The following SGIP1 variants were observed in gnomAD, a reference collection of about 807,000 sequenced individuals.
SGIP1 encodes the protein SH3-containing GRB2-like protein 3-interacting protein 1.
In SGIP1, 38 loss-of-function variants were observed where a neutral mutation model predicts 107.5. That is an observed-to-expected ratio of 0.35 (90% CI 0.27 to 0.46). The LOEUF is 0.46. Among genes scored for constraint, SGIP1 ranks in the 20% least tolerant of loss-of-function variants. SGIP1 has a pLI of 1.00. For missense variants in SGIP1, 929 were observed against 1,019.5 expected (o/e 0.91, Z 1.21); for synonymous variants, 365 against 366.1 (o/e 1.00, Z 0.03).
At chr1:66,559,722 G>A (rs1340445019) in intron 1 of SGIP1, among the ~76,000 whole-genome samples, 1 of 152,006 alleles carries the variant, frequency 6.6e-6, no homozygotes, top group Non-Finnish European at 1.5e-5. Flanking sequence ...TGGTGTCTCT[G>A]TTTAGAACCC....
chr1:66,695,151 G>A, intron 17 of SGIP1: 1 of 509,342 alleles, frequency 2.0e-6, no homozygotes, highest in Middle Eastern at 4.4e-4. Context: ...TGGCCAGGAA[G>A]ACTTCTGCTC....
At chr1:66,643,840 A>G (rs1458029829) in intron 7 of SGIP1, 121 bp downstream of exon 7, 1 of 811,580 alleles carries the variant, frequency 1.2e-6, no homozygotes, top group Non-Finnish European at 1.8e-6. Context: ...TCACCATATC[A>G]TGAATTCTAT....
intron 8 of SGIP1, among the ~76,000 whole-genome samples, chr1:66,661,052 A>G (rs2081367842): frequency 6.6e-6 from 1 of 152,198 alleles, no homozygotes. Context: ...GAATCTTTAT[A>G]AAATGTAAAT....
At chr1:66,672,485 T>TA (rs1375734892) in intron 11 of SGIP1, among the ~76,000 whole-genome samples, 3 of 152,194 alleles carry the variant, frequency 2.0e-5, no homozygotes, top group Non-Finnish European at 4.4e-5. Context: ...CATTGTTTTA[T>TA]AAAAAGACTG....
chr1:66,738,079 T>A (rs2094328968), intron 21 of SGIP1, among the ~76,000 whole-genome samples: 1 of 152,150 alleles, frequency 6.6e-6, no homozygotes, highest in Non-Finnish European at 1.5e-5. Flanking sequence ...TTGATCTGCT[T>A]TAGTTAATAG....
Position 66,648,134 on chromosome 1 carries a change from G to T in SGIP1, c.459+4415G>T, listed in dbSNP as rs546532431. On this transcript the variant is annotated intron_variant, in intron 7 of 24. Transcript: ENST00000371037. The stretch of plus-strand genomic sequence containing the variant: ...GAGTTTGGCTAAGATGAATAACCTT[G>T]ATACTGCTCAACCAGTCAGTGCTCT... Among the ~76,000 whole-genome samples, 5 of 152,260 alleles carry T rather than the reference G, an allele frequency of 3.3e-5. No individual in the cohort carries two copies. The East Asian group carries it at 7.7e-4, about 24-fold the overall frequency.
At chr1:66,673,225 T>G in intron 11 of SGIP1, 56 bp from the exon 12 acceptor site, 67 of 1,525,278 alleles carry the variant, frequency 4.4e-5, no homozygotes, top group Non-Finnish European at 5.8e-5. Context: ...TATATCTTTT[T>G]GAGTATTAAT....
Position 66,744,855 on chromosome 1 carries a change from A to G in SGIP1, c.*1760A>G, listed in dbSNP as rs1010742647. On this transcript the variant is annotated 3_prime_UTR_variant, in exon 25 of 25. Transcript: ENST00000371037. The stretch of plus-strand genomic sequence containing the variant: ...GTTGAAGTTTCTTTGAACGAACTAA[A>G]TATACTCATTTTATGTAAAGGTATC... 5 of 152,488 alleles carry G rather than the reference A, an allele frequency of 3.3e-5. No homozygotes were observed. Among genetic ancestry groups the G allele is most frequent in the African/African-American group, 1.2e-4 (5 of 41,440 alleles). The allele number at this position is 152,488 out of a possible 1,614,324, so 9.4% of individuals were successfully genotyped here.
rs2094376438 is a variant in SGIP1, at chr1:66,739,427, A to G, written c.2124A>G (p.Lys708=). Residue 708 remains lysine (K), a synonymous_variant, in exon 22 of 25, where the codon AAA becomes AAG. Coordinates refer to ENST00000371037, the MANE Select transcript of SGIP1 (RefSeq NM_032291.4). ...PSSTDLRIDY[K]YNTDAMTTAV... is the part of the protein sequence containing the mutation. ...GCACTGACCTGCGCATAGATTACAA[A>G]TATAATACAGATGCAATGACGACTG... 5 of 1,614,180 alleles carry G rather than the reference A, an allele frequency of 3.1e-6. No homozygotes were observed. The highest frequency in any genetic ancestry group is 4.2e-6 in the Non-Finnish European group (5 of 1,180,046).
chr1:66,635,721 C>G (rs2075644243), intron 3 of SGIP1, among the ~76,000 whole-genome samples: 2 of 152,180 alleles, frequency 1.3e-5, no homozygotes, highest in Admixed American at 1.3e-4. Context: ...CCCTTCTTCT[C>G]TTGGCCTAAC....
chr1:66,614,396 T>C (rs190794330), intron 1 of SGIP1, among the ~76,000 whole-genome samples: 3 of 152,306 alleles, frequency 2.0e-5, no homozygotes, highest in African/African-American at 7.2e-5. Flanking sequence ...AAAGGATGGA[T>C]GGATGGAGGA....
chr1:66,647,291 A>G (rs535410819), intron 7 of SGIP1, among the ~76,000 whole-genome samples: 1 of 152,332 alleles, frequency 6.6e-6, no homozygotes, highest in South Asian at 2.1e-4. Context: ...GGAGGAAAGA[A>G]TAAATAAAAA....
At chr1:66,592,894 CTTCTTTTTTTTTTTTTTT>C (rs1270565454) in intron 1 of SGIP1, among the ~76,000 whole-genome samples, 1 of 94,136 alleles carries the variant, frequency 1.1e-5, no homozygotes, top group African/African-American at 4.2e-5. Flanking sequence ...CTTTCTTCTT[CTTCTTTTTTTTTTTTTTT>C]TTTTTTTTTT....
At chr1:66,652,761 A>C (rs887205011) in intron 7 of SGIP1, among the ~76,000 whole-genome samples, 21 of 152,046 alleles carry the variant, frequency 1.4e-4, no homozygotes, top group African/African-American at 4.8e-4. Context: ...GAAAACAAAG[A>C]GTCATCAGTG....
At chr1:66,602,798 A>G (rs1221096665) in intron 1 of SGIP1, among the ~76,000 whole-genome samples, 1 of 152,194 alleles carries the variant, frequency 6.6e-6, no homozygotes, top group Non-Finnish European at 1.5e-5. Flanking sequence ...ATGTCTAAAA[A>G]GAGAGATTCT....
chr1:66,660,558 A>G (rs778717674), intron 8 of SGIP1, 34 bp downstream of exon 8: 1 of 1,588,006 alleles, frequency 6.3e-7, no homozygotes, highest in South Asian at 1.1e-5. Context: ...TTTGGGGCAA[A>G]CATTATTTAT....
intron 8 of SGIP1, among the ~76,000 whole-genome samples, chr1:66,661,885 C>T (rs1331772534): frequency 2.0e-5 from 3 of 152,116 alleles, no homozygotes; most frequent in African/African-American, 7.2e-5. Context: ...ATTCCCTCAC[C>T]TCATTTTTCT....
intron 21 of SGIP1, among the ~76,000 whole-genome samples, chr1:66,735,826 C>CAAA (rs1233871897): frequency 2.5e-5 from 2 of 79,220 alleles, no homozygotes; most frequent in Admixed American, 1.7e-4. Context: ...GACTCCGTCT[C>CAAA]AAAAAAAAAA....
At chr1:66,692,331 C>G (rs17129332) in intron 17 of SGIP1, among the ~76,000 whole-genome samples, 19,276 of 151,972 alleles carry the variant, frequency 0.13, 1,899 homozygotes, top group East Asian at 0.51. Context: ...AAAAAAATAG[C>G]CACATAAGAG....
Sources: gnomAD v4.1 joint callset for allele counts (sites outside exome capture counted in the v4.1 genomes callset) on GRCh38, gnomAD v4.1.1 for gene constraint, MANE v1.5 for transcripts, NCBI Gene and HGNC (gene_info 2026-07-23, HGNC 2026-07-21) for gene names.